Variants in DLGAP2 observed in about 807,000 individuals in gnomAD.
DLGAP2 encodes the protein disks large-associated protein 2.
In DLGAP2, 26 loss-of-function variants were observed where a neutral mutation model predicts 100.3. The ratio of observed to expected loss-of-function variants is 0.26; its 90% confidence interval spans 0.19 to 0.36. The LOEUF (loss-of-function observed/expected upper bound fraction) is 0.36, where lower values mean the gene tolerates loss of function less well. Among genes scored for constraint, DLGAP2 ranks in the 10% least tolerant of loss-of-function variants. DLGAP2 has a pLI of 1.00. For synonymous variants in DLGAP2, 886 were observed against 630.1 expected (o/e 1.41, Z -6.08); for missense variants, 1,858 against 1,453.2 (o/e 1.28, Z -4.53).
At chr8:1,316,038 G>A (rs1458160924) in intron 3 of DLGAP2, among the ~76,000 whole-genome samples, 42 of 131,536 alleles carry the variant, frequency 3.2e-4, no homozygotes, top group East Asian at 6.6e-4. Context: ...CGAGACACTT[G>A]GCAGCTTTTA....
At chr8:989,181 A>C (rs944159023) in intron 2 of DLGAP2, among the ~76,000 whole-genome samples, 2 of 152,182 alleles carry the variant, frequency 1.3e-5, no homozygotes, top group African/African-American at 2.4e-5. Flanking sequence ...TGATCAGAGC[A>C]CTTGGGGGGC....
chr8:1,164,036 C>T (rs905694582), intron 2 of DLGAP2, among the ~76,000 whole-genome samples: 3 of 152,280 alleles, frequency 2.0e-5, no homozygotes, highest in African/African-American at 7.2e-5. Context: ...TTCATCTCCT[C>T]TAGTGAGACT....
At chr8:1,053,382 C>T (rs1184371705) in intron 2 of DLGAP2, among the ~76,000 whole-genome samples, 1 of 152,108 alleles carries the variant, frequency 6.6e-6, no homozygotes, top group Non-Finnish European at 1.5e-5. Context: ...GTGATGAGTT[C>T]ATACCCTTGG....
chr8:1,434,169 G>C (rs986240888), intron 3 of DLGAP2, among the ~76,000 whole-genome samples: 2 of 152,172 alleles, frequency 1.3e-5, no homozygotes, highest in African/African-American at 4.8e-5. Flanking sequence ...ATGACCGTCA[G>C]CAGCTCAGCC....
At chr8:1,104,587 G>C (rs1025697553) in intron 2 of DLGAP2, among the ~76,000 whole-genome samples, 2 of 152,154 alleles carry the variant, frequency 1.3e-5, no homozygotes, top group Non-Finnish European at 2.9e-5. Context: ...TAGCCTGGCC[G>C]AGGCGTTTGC....
intron 3 of DLGAP2, among the ~76,000 whole-genome samples, chr8:1,275,859 TATAAATATATATAATATATAA>T (rs1368815108): frequency 6.0e-4 from 72 of 119,974 alleles, no homozygotes; most frequent in African/African-American, 1.7e-3. Flanking sequence ...ATATATAATA[TATAAATATATATAATATATAA>T]ATAAATATAT....
intron 3 of DLGAP2, among the ~76,000 whole-genome samples, chr8:1,364,832 C>G (rs544930590): frequency 1.3e-5 from 2 of 152,316 alleles, no homozygotes; most frequent in Non-Finnish European, 2.9e-5. Flanking sequence ...GGGAGGCTCC[C>G]AGGGCTTTGC....
At chr8:1,114,100 A>G (rs184366157) in intron 2 of DLGAP2, among the ~76,000 whole-genome samples, 5 of 152,260 alleles carry the variant, frequency 3.3e-5, no homozygotes, top group Admixed American at 3.3e-4. Context: ...TTGGTTTGCA[A>G]GAATTTTGCT....
intron 4 of DLGAP2, among the ~76,000 whole-genome samples, chr8:1,534,591 A>G (rs7007543): frequency 0.19 from 28,931 of 152,228 alleles, 2,932 homozygotes; most frequent in African/African-American, 0.25. Context: ...AAAGACATCT[A>G]TGAGCAGTTT....
chr8:1,335,061 C>A (rs1394555562), intron 3 of DLGAP2, among the ~76,000 whole-genome samples: 1 of 152,204 alleles, frequency 6.6e-6, no homozygotes, highest in African/African-American at 2.4e-5. Context: ...AAATTCAGGG[C>A]AAACCATAGT....
At chr8:769,295 T>C in intron 1 of DLGAP2, among the ~76,000 whole-genome samples, 1 of 152,060 alleles carries the variant, frequency 6.6e-6, no homozygotes, top group Non-Finnish European at 1.5e-5. Flanking sequence ...ATTGTTCTCT[T>C]GAGTTTCCAC....
At chr8:815,289 A>G (rs533654790) in intron 1 of DLGAP2, among the ~76,000 whole-genome samples, 4 of 152,190 alleles carry the variant, frequency 2.6e-5, no homozygotes, top group Non-Finnish European at 5.9e-5. Context: ...AGGGAGGAGC[A>G]CTGTGTCCTC....
At chr8:1,447,792 A>G (rs1351592957) in intron 3 of DLGAP2, among the ~76,000 whole-genome samples, 6 of 152,270 alleles carry the variant, frequency 3.9e-5, no homozygotes, top group East Asian at 1.9e-4. Context: ...CAGAGAGTCA[A>G]CTTCTTCCTG....
chr8:1,470,109 C>T (rs760989648), intron 3 of DLGAP2, among the ~76,000 whole-genome samples: 3 of 152,152 alleles, frequency 2.0e-5, no homozygotes, highest in Non-Finnish European at 4.4e-5. Context: ...CTGCAATGAG[C>T]TGTGATCATG....
At chr8:1,244,002 C>T (rs1798853148) in intron 2 of DLGAP2, among the ~76,000 whole-genome samples, 1 of 152,072 alleles carries the variant, frequency 6.6e-6, no homozygotes, top group African/African-American at 2.4e-5. Context: ...TGCCAGCTCC[C>T]AGCCTCTGCA....
chr8:741,409 C>A (rs1820480608), intron 1 of DLGAP2, among the ~76,000 whole-genome samples: 1 of 152,192 alleles, frequency 6.6e-6, no homozygotes. Flanking sequence ...GCACTGACTT[C>A]ATCTGCCTAT....
At chr8:1,179,001 A>G (rs1382359831) in intron 2 of DLGAP2, among the ~76,000 whole-genome samples, 1 of 152,186 alleles carries the variant, frequency 6.6e-6, no homozygotes, top group African/African-American at 2.4e-5. Flanking sequence ...CTACAGATTA[A>G]TTTCGAGCCC....
chr8:1,701,526 C>A lies in DLGAP2; in HGVS notation c.*120C>A, dbSNP rs983242422. On this transcript the variant is annotated 3_prime_UTR_variant, in exon 15 of 15. Coordinates refer to ENST00000637795, the MANE Select transcript of DLGAP2 (RefSeq NM_001346810.2). ...CTGAACACGTCCTCGCTCCCGCGCT[C>A]CCCGCGCCCCGGACACAGCGGGACG... 1.7e-5 allele frequency: 19 copies of A among 1,114,532 alleles called. No individual in the cohort carries two copies. Among genetic ancestry groups the A allele is most frequent in the Non-Finnish European group, 2.2e-5 (18 of 806,028 alleles). The allele number at this position is 1,114,532 out of a possible 1,614,324, so 69.0% of individuals were successfully genotyped here.
chr8:780,425 G>GT (rs760811484), intron 1 of DLGAP2, among the ~76,000 whole-genome samples: 5 of 152,180 alleles, frequency 3.3e-5, no homozygotes, highest in Non-Finnish European at 7.3e-5. Flanking sequence ...CTTGTCCATT[G>GT]TGAGTAGTGA....
Sources: gnomAD v4.1 joint callset for allele counts (sites outside exome capture counted in the v4.1 genomes callset) on GRCh38, gnomAD v4.1.1 for gene constraint, MANE v1.5 for transcripts, NCBI Gene and HGNC (gene_info 2026-07-23, HGNC 2026-07-21) for gene names.